The following PCNP variants were observed in gnomAD, a reference collection of about 807,000 sequenced individuals.
PCNP encodes the protein PEST proteolytic signal-containing nuclear protein.
A neutral mutation model predicts 21.8 loss-of-function variants in PCNP; 6 were observed. The ratio of observed to expected loss-of-function variants is 0.28; its 90% CI spans 0.15 to 0.54. The LOEUF (loss-of-function observed/expected upper bound fraction) is 0.54. Among genes scored for constraint, PCNP ranks in the 20% least tolerant of loss-of-function variants. The pLI is 0.95. For missense variants in PCNP, 161 were observed against 215.5 expected (o/e 0.75, Z 1.58); for synonymous variants, 67 against 73.2 (o/e 0.92, Z 0.43).
At chr3:101,575,778 C>T (rs547566819) in intron 1 of PCNP, among the ~76,000 whole-genome samples, 3 of 152,212 alleles carry the variant, frequency 2.0e-5, no homozygotes, top group Non-Finnish European at 2.9e-5. Flanking sequence ...CATTATAAAT[C>T]CACTGTATAA....
chr3:101,590,066 A>C (rs1935727423), intron 3 of PCNP, 149 bp from the exon 4 acceptor site: 1 of 626,106 alleles, frequency 1.6e-6, no homozygotes, highest in East Asian at 2.9e-5. Context: ...AATGTAGTTA[A>C]GGTAAATAAC....
In PCNP at chr3:101,585,250, A is replaced by G. The variant is rs115207615; in HGVS notation, c.280-187A>G. Among the ~76,000 whole-genome samples the G allele has an allele frequency of 8.7e-3, 1,332 of 152,358 alleles. 5 individuals are homozygous for G. The highest frequency in any genetic ancestry group is 0.015 in the Non-Finnish European group (1,023 of 68,028). Reference sequence around the variant, plus strand: ...TGGATGCCACAAGTTAGTAAAGTAAAACATACCCACTGATAATCCACATTT... The same window carrying G: ...TGGATGCCACAAGTTAGTAAAGTAAGACATACCCACTGATAATCCACATTT... On this transcript the variant is annotated intron_variant, in intron 2 of 4. Transcript: ENST00000265260.
intron 2 of PCNP, among the ~76,000 whole-genome samples, chr3:101,584,506 G>A (rs940789006): frequency 3.9e-5 from 6 of 152,140 alleles, no homozygotes; most frequent in Non-Finnish European, 5.9e-5. Flanking sequence ...AGAATTGGGA[G>A]AATAACCAGT....
intron 1 of PCNP, among the ~76,000 whole-genome samples, chr3:101,579,436 A>C (rs376926873): frequency 1.3e-5 from 2 of 152,326 alleles, no homozygotes; most frequent in Middle Eastern, 6.8e-3. Flanking sequence ...ACAAACTACT[A>C]AGTGTAAAAG....
At chr3:101,575,753 A>G (rs1934844841) in intron 1 of PCNP, among the ~76,000 whole-genome samples, 1 of 152,196 alleles carries the variant, frequency 6.6e-6, no homozygotes, top group African/African-American at 2.4e-5. Flanking sequence ...TGCTGTCAAA[A>G]TGTACCTTGA....
intron 1 of PCNP, among the ~76,000 whole-genome samples, chr3:101,578,714 T>A (rs1418761145): frequency 6.6e-6 from 1 of 152,252 alleles, no homozygotes; most frequent in African/African-American, 2.4e-5. Flanking sequence ...TTTAATCCTT[T>A]ACTTGTCAGT....
At position 101,576,965 on chromosome 3, in the gene PCNP, C is replaced by A. The variant is rs878950184; in HGVS notation, c.64+2686C>A. On this transcript the variant is annotated intron_variant, in intron 1 of 4. Transcript: ENST00000265260. ...AGCGACATGGCGGCAGCACAAGCGGCGGCGTGTAGGCCTCCTGTGGAGGAG... is the reference window on the plus strand; with the variant it reads ...AGCGACATGGCGGCAGCACAAGCGGAGGCGTGTAGGCCTCCTGTGGAGGAG... 3 of 1,197,264 alleles carry A rather than the reference C, an allele frequency of 2.5e-6. No homozygotes were observed. The South Asian group carries it at 3.6e-5, about 14-fold the overall frequency. 74.2% of individuals were successfully genotyped at this position (1,197,264 alleles called of 1,614,324 possible).
chr3:101,592,198 G>C (rs1006441270), intron 4 of PCNP, among the ~76,000 whole-genome samples: 1 of 151,784 alleles, frequency 6.6e-6, no homozygotes, highest in Non-Finnish European at 1.5e-5. Flanking sequence ...TTTTGTGACA[G>C]AGTCTTGCTC....
chr3:101,591,432 G>C (rs936905403), intron 4 of PCNP, among the ~76,000 whole-genome samples: 5 of 152,132 alleles, frequency 3.3e-5, no homozygotes, highest in Non-Finnish European at 7.3e-5. Flanking sequence ...ATACACAAGC[G>C]TAAGTCTCCA....
rs560442020 is a variant in PCNP at position 101,593,371 on chromosome 3, A to G, written c.*618A>G. 1 of 152,734 alleles carries G rather than the reference A, an allele frequency of 6.5e-6. No homozygotes were observed. Among genetic ancestry groups the G allele is most frequent in the South Asian group, 2.1e-4 (1 of 4,834 alleles). 9.5% of individuals were successfully genotyped at this position (152,734 alleles called of 1,614,324 possible). On this transcript the variant is annotated 3_prime_UTR_variant, in exon 5 of 5. Transcript: ENST00000265260. The stretch of plus-strand genomic sequence containing the variant: ...ATGTAAACTGTTGAATATTTGAAAT[A>G]GTCCACTTCACCTTAATGGGTCTTG...
In PCNP at chr3:101,593,164, T is replaced by C. The variant is rs1340812817; in HGVS notation, c.*411T>C. The C allele has an allele frequency of 6.5e-6, 1 of 153,370 alleles. No homozygotes were observed. Among genetic ancestry groups the C allele is most frequent in the Non-Finnish European group, 1.5e-5 (1 of 68,608 alleles). The allele number at this position is 153,370 out of a possible 1,614,324, so 9.5% of individuals were successfully genotyped here. On this transcript the variant is annotated 3_prime_UTR_variant, in exon 5 of 5. Transcript: ENST00000265260. ...CTTGTCTGGCTCCCAGGAACAGCCT[T>C]ATAGAGAGAGGGAGTATTGTATTGG...
chr3:101,574,355 G>A (rs962824791), intron 1 of PCNP, 76 bp downstream of exon 1: 43 of 1,445,516 alleles, frequency 3.0e-5, no homozygotes, highest in Non-Finnish European at 3.8e-5. Flanking sequence ...TGGGGGGAGT[G>A]GGGTGGGGCG....
intron 2 of PCNP, 70 bp downstream of exon 2, chr3:101,580,074 C>A (rs143872711): frequency 3.6e-6 from 4 of 1,110,210 alleles, no homozygotes; most frequent in Non-Finnish European, 5.5e-6. Context: ...GTGGCGTTTA[C>A]TAGGTTATGG....
intron 3 of PCNP, among the ~76,000 whole-genome samples, chr3:101,586,498 C>G (rs1935513676): frequency 7.4e-6 from 1 of 135,402 alleles, no homozygotes; most frequent in South Asian, 2.6e-4. Flanking sequence ...ATAAGTGTTT[C>G]AGGATACATC....
At chr3:101,580,356 A>G (rs1286692078) in intron 2 of PCNP, among the ~76,000 whole-genome samples, 2 of 152,230 alleles carry the variant, frequency 1.3e-5, no homozygotes, top group Admixed American at 1.3e-4. Flanking sequence ...AGTTGAGCCC[A>G]GGAATTTCAG....
At chr3:101,588,300 A>G (rs945789961) in intron 3 of PCNP, among the ~76,000 whole-genome samples, 1 of 152,144 alleles carries the variant, frequency 6.6e-6, no homozygotes, top group African/African-American at 2.4e-5. Flanking sequence ...GAAATCAAGT[A>G]TGCATGAGCA....
intron 1 of PCNP, among the ~76,000 whole-genome samples, chr3:101,579,343 G>A (rs1382142972): frequency 6.6e-6 from 1 of 151,986 alleles, no homozygotes; most frequent in Non-Finnish European, 1.5e-5. Flanking sequence ...TTATAACTAG[G>A]TACTTTGTAT....
chr3:101,592,687 T>C lies in PCNP; in HGVS notation c.471T>C (p.Asp157=). The change falls in exon 5 of 5, where the codon GAT becomes GAC. Residue 157 remains aspartate, a synonymous_variant. Transcript: ENST00000265260. ...SFNKGKHGFS[D]NQKLWERNIK... ...ATAAAGGAAAGCATGGGTTTTCTGA[T>C]AACCAGAAGCTGTGGGAGCGAAATA... 1.2e-6 allele frequency: 2 copies of C among 1,613,178 alleles called. No individual in the cohort carries two copies. The highest frequency in any genetic ancestry group is 1.7e-6 in the Non-Finnish European group (2 of 1,179,278).
intron 2 of PCNP, among the ~76,000 whole-genome samples, chr3:101,583,648 T>C (rs1935347797): frequency 6.6e-6 from 1 of 150,944 alleles, no homozygotes; most frequent in Non-Finnish European, 1.5e-5. Flanking sequence ...GATTTTTTTG[T>C]TTTGTTTTTT....
Sources: gnomAD v4.1 joint callset for allele counts (sites outside exome capture counted in the v4.1 genomes callset) on GRCh38, gnomAD v4.1.1 for gene constraint, MANE v1.5 for transcripts, NCBI Gene and HGNC (gene_info 2026-07-23, HGNC 2026-07-21) for gene names.